HEATR4: variants seen among roughly 807,000 people sequenced by gnomAD.
HEATR4 encodes HEAT repeat-containing protein 4.
Under a neutral mutation model 108.8 loss-of-function variants are expected in HEATR4, and 95 were observed. That is an observed-to-expected ratio of 0.87 (90% CI 0.74 to 1.04). The LOEUF (loss-of-function observed/expected upper bound fraction) is 1.04. Among genes scored for constraint, HEATR4 ranks in the 50% least tolerant of loss-of-function variants. The probability of loss-of-function intolerance (pLI) is 0.00; values close to 1 mark genes in which losing one functional copy is unlikely to be tolerated. For missense variants in HEATR4, 1,152 were observed against 1,253.8 expected, an observed-to-expected ratio of 0.92 and a Z score of 1.23; for synonymous variants, 443 against 459.4, an observed-to-expected ratio of 0.96 and a Z score of 0.46.
rs1248373099 is a variant in HEATR4 at position 73,500,098 on chromosome 14, C to T, written c.2286+452G>A. ...CAAAAAAATTAGCCAGGTGTGGTGG[C>T]AGGTGCCTGTAGTCCCAGCTACACA... On this transcript the variant is annotated intron_variant, in intron 12 of 17. Transcript: ENST00000553558. Among the ~76,000 whole-genome samples, 2 of 152,068 alleles carry T rather than the reference C, an allele frequency of 1.3e-5. 1 individual carries two copies. Among genetic ancestry groups the T allele is most frequent in the Non-Finnish European group, 2.9e-5 (2 of 68,020 alleles).
intron 7 of HEATR4, among the ~76,000 whole-genome samples, chr14:73,510,649 T>C (rs1017192115): frequency 3.9e-5 from 6 of 152,152 alleles, no homozygotes; most frequent in Non-Finnish European, 7.4e-5. Flanking sequence ...TTGGCCAGGC[T>C]GGTCTTGAAC....
Position 73,535,780 on chromosome 14 carries a change from C to CT in HEATR4, c.-151-5537dup, listed in dbSNP as rs1288626545. Among the ~76,000 whole-genome samples, 108 of 114,762 alleles carry CT rather than the reference C, an allele frequency of 9.4e-4. 23 individuals are homozygous for CT. The highest frequency in any genetic ancestry group is 2.9e-3 in the African/African-American group (102 of 35,490). 75.3% of individuals were successfully genotyped at this position (114,762 alleles called of 152,430 possible). A position where few individuals can be genotyped will look rare whatever the true frequency, so the allele number is the denominator to read the frequency against. ...AGGCGCGAGCCACCGCGCCTGGCCCCTTTTTCTTGTTAGAGACAGGGTCTT... is the reference window on the plus strand; with the variant it reads ...AGGCGCGAGCCACCGCGCCTGGCCCCTTTTTTCTTGTTAGAGACAGGGTCTT... On this transcript the variant is annotated intron_variant, in intron 1 of 17. Coordinates refer to ENST00000553558, the MANE Select transcript of HEATR4 (RefSeq NM_001220484.1).
intron 17 of HEATR4, among the ~76,000 whole-genome samples, chr14:73,488,881 C>T (rs531390758): frequency 2.6e-5 from 4 of 150,966 alleles, no homozygotes; most frequent in South Asian, 4.2e-4. Flanking sequence ...AAATTAGCTT[C>T]GGTGGTAGCA....
chr14:73,604,571 C>T, the HEATR4 span, among the ~76,000 whole-genome samples: 73 of 152,030 alleles, frequency 4.8e-4, 1 homozygote, highest in African/African-American at 1.5e-3. Context: ...CTTCAACCTG[C>T]GCTTCCCAGA....
chr14:73,488,307 G>A (rs186594663), intron 17 of HEATR4, among the ~76,000 whole-genome samples: 2 of 152,324 alleles, frequency 1.3e-5, no homozygotes, highest in African/African-American at 4.8e-5. Context: ...GTCTCGCTGT[G>A]TCGCCCAGGC....
At chr14:73,615,489 G>A in the HEATR4 span, among the ~76,000 whole-genome samples, 11 of 150,854 alleles carry the variant, frequency 7.3e-5, no homozygotes, top group African/African-American at 2.0e-4. Context: ...CCAACACTTC[G>A]GGAGGCCAAG....
Position 73,498,168 on chromosome 14 carries a change from C to T in HEATR4, c.2533G>A (p.Asp845Asn), listed in dbSNP as rs769983717. ...TTTAGTGCTTACTTTAGAACAGCATCGTGGTTCTCCAGGAGCAGCACGTCT... is the reference window on the plus strand; with the variant it reads ...TTTAGTGCTTACTTTAGAACAGCATTGTGGTTCTCCAGGAGCAGCACGTCT... The part of the protein sequence containing the change: ...FLDVLLLENH[D>N]AVLKEMYQTM... Residue 845 changes from aspartate to asparagine, a missense_variant, in exon 14 of 18, where the codon GAT (aspartate) becomes AAT (asparagine). Physicochemically the swap from Asp to Asn is conservative, Grantham distance 23. Transcript: ENST00000553558. 27 of 1,611,670 alleles carry T rather than the reference C, an allele frequency of 1.7e-5. No individual in the cohort carries two copies. The highest frequency in any genetic ancestry group is 8.8e-5 in the South Asian group (8 of 91,028).
the HEATR4 span, among the ~76,000 whole-genome samples, chr14:73,589,471 C>A: frequency 6.6e-6 from 1 of 152,102 alleles, no homozygotes; most frequent in Admixed American, 6.5e-5. Flanking sequence ...AGGTGCACAT[C>A]ACCATGCCCC....
chr14:73,539,984 G>GCAAT lies in HEATR4; in HGVS notation c.-151-9744_-151-9741dup, dbSNP rs769329844. Among the ~76,000 whole-genome samples the GCAAT allele has an allele frequency of 6.0e-5, 7 of 115,868 alleles. 3 individuals are homozygous for GCAAT. The highest frequency in any genetic ancestry group is 9.4e-5 in the Non-Finnish European group (5 of 53,104). The allele number at this position is 115,868 out of a possible 152,430, so 76.0% of individuals were successfully genotyped here. ...TGGATACTTTTATATTACATAAAGAGCAATCAGCCAGTGTAGAAATGATGC... is the reference window on the plus strand; with the variant it reads ...TGGATACTTTTATATTACATAAAGAGCAATCAATCAGCCAGTGTAGAAATGATGC... On this transcript the variant is annotated intron_variant, in intron 1 of 17. Coordinates refer to ENST00000553558, the MANE Select transcript of HEATR4 (RefSeq NM_001220484.1).
At chr14:73,501,972 C>G (rs1886494393) in intron 11 of HEATR4, among the ~76,000 whole-genome samples, 1 of 151,592 alleles carries the variant, frequency 6.6e-6, no homozygotes, top group African/African-American at 2.4e-5. Flanking sequence ...GTCTCGATCT[C>G]CTGACCTTGT....
intron 15 of HEATR4, among the ~76,000 whole-genome samples, chr14:73,496,316 G>A (rs1886103360): frequency 6.6e-6 from 1 of 152,116 alleles, no homozygotes; most frequent in African/African-American, 2.4e-5. Flanking sequence ...GGGGTTGATG[G>A]GGAGAAAATA....
chr14:73,491,010 G>T (rs779647151), intron 17 of HEATR4: 1 of 1,443,064 alleles, frequency 6.9e-7, no homozygotes, highest in Non-Finnish European at 9.2e-7. Flanking sequence ...GACTGGTGTG[G>T]TCTGGCCATG....
Position 73,506,475 on chromosome 14 carries a change from C to T in HEATR4, c.1978G>A (p.Val660Ile). 2 of 1,613,152 alleles carry T rather than the reference C, an allele frequency of 1.2e-6. No homozygotes were observed. Among genetic ancestry groups the T allele is most frequent in the African/African-American group, 1.3e-5 (1 of 75,056 alleles). The change falls in exon 10 of 18, where the codon GTC (valine) becomes ATC (isoleucine). Residue 660 changes from valine to isoleucine, a missense_variant. Physicochemically the swap from Val to Ile is conservative, Grantham distance 29. Coordinates refer to ENST00000553558, the MANE Select transcript of HEATR4 (RefSeq NM_001220484.1). The part of the protein sequence containing the change: ...CQAFSRISGN[V>I]CLDMKHKLIQ... ...CAAAGAAAGAGGTTTACCAAGCAGA[C>T]ATTTCCACTGATCCGGGAGAAAGCC...
chr14:73,481,951 TCATA>T (rs1235545057), intron 17 of HEATR4, among the ~76,000 whole-genome samples: 1 of 151,972 alleles, frequency 6.6e-6, no homozygotes, highest in Admixed American at 6.6e-5. Context: ...TGAGCCATGA[TCATA>T]CCACTGCAAC....
At chr14:73,633,195 T>A in the HEATR4 span, among the ~76,000 whole-genome samples, 1 of 152,020 alleles carries the variant, frequency 6.6e-6, no homozygotes, top group Non-Finnish European at 1.5e-5. Flanking sequence ...AGTAGAGATT[T>A]GGTTTCACCA....
At chr14:73,620,274 T>C in the HEATR4 span, among the ~76,000 whole-genome samples, 8 of 152,174 alleles carry the variant, frequency 5.3e-5, no homozygotes, top group East Asian at 1.9e-4. Context: ...CCAGCTCAGC[T>C]TTTTTGTCAG....
chr14:73,559,326 A>T (rs373307911), upstream of HEATR4, among the ~76,000 whole-genome samples: 38 of 149,004 alleles, frequency 2.6e-4, 1 homozygote, highest in East Asian at 1.9e-3. Context: ...ACCATGTTGG[A>T]CAGGCTGTTC....
At chr14:73,496,449 C>T in intron 15 of HEATR4, 152 bp downstream of exon 15, 1 of 587,014 alleles carries the variant, frequency 1.7e-6, no homozygotes, top group East Asian at 2.8e-5. Context: ...AGATGCTTTG[C>T]ATCTTCAAAT....
chr14:73,513,915 C>G, intron 6 of HEATR4, 116 bp downstream of exon 6: 1 of 1,067,854 alleles, frequency 9.4e-7, no homozygotes, highest in East Asian at 2.4e-5. Flanking sequence ...ATGAGGCAAC[C>G]AGATTTTTAC....
Sources: allele counts gnomAD v4.1 joint callset (sites outside exome capture counted in the v4.1 genomes callset), GRCh38; gene constraint gnomAD v4.1.1; transcripts MANE v1.5; gene names NCBI Gene and HGNC (gene_info 2026-07-23, HGNC 2026-07-21).